The following CHIC1 variants were observed in gnomAD, a reference collection of about 807,000 sequenced individuals.
CHIC1 encodes the protein cysteine-rich hydrophobic domain-containing protein 1.
CHIC1 carries 7 observed loss-of-function variants against 18.5 expected under a neutral mutation model. The ratio of observed to expected loss-of-function variants is 0.38; its 90% CI spans 0.22 to 0.71. CHIC1 has a LOEUF of 0.71. Ranked by LOEUF, CHIC1 falls within the 30% of genes least tolerant of loss-of-function variation. CHIC1 has a pLI of 0.49. For missense variants in CHIC1, 159 were observed against 176.9 expected, an observed-to-expected ratio of 0.90 and a Z score of 0.57; for synonymous variants, 77 against 73.5, an observed-to-expected ratio of 1.05 and a Z score of -0.25.
At chrX:73,637,953 G>A (rs1231464536) in intron 3 of CHIC1, among the ~76,000 whole-genome samples, 1 of 110,357 alleles carries the variant, frequency 9.1e-6, no homozygotes, top group Non-Finnish European at 1.9e-5. Context: ...TTGAACACTG[G>A]GAATTTGAAA....
chrX:73,601,158 G>A lies in CHIC1; in HGVS notation c.507+16586G>A, dbSNP rs2057646348. On this transcript the variant is annotated intron_variant, in intron 3 of 5. Coordinates refer to ENST00000373502, the MANE Select transcript of CHIC1 (RefSeq NM_001039840.4). ...CAACATTAGACAGATCAACGAAACA[G>A]AAAGTCAACAAGGATACCCAGGAAT... Among the ~76,000 whole-genome samples, 4 of 105,724 alleles carry A rather than the reference G, an allele frequency of 3.8e-5. No homozygotes were observed. In the South Asian group the frequency reaches 1.7e-3, roughly 44 times the overall value. 91.8% of individuals were successfully genotyped at this position (105,724 alleles called of 115,157 possible). A position where few individuals can be genotyped will look rare whatever the true frequency, so the allele number is the denominator to read the frequency against.
chrX:73,620,842 T>C (rs1157444274), intron 3 of CHIC1, among the ~76,000 whole-genome samples: 1 of 112,269 alleles, frequency 8.9e-6, no homozygotes, highest in Non-Finnish European at 1.9e-5. Flanking sequence ...GGTTTTACTT[T>C]TAAGCCTTTA....
intron 3 of CHIC1, among the ~76,000 whole-genome samples, chrX:73,601,594 C>T (rs1220838180): frequency 1.9e-5 from 2 of 104,048 alleles, no homozygotes; most frequent in Admixed American, 1.0e-4. Flanking sequence ...ACTAAATGCC[C>T]ACAAGAGAAA....
intron 3 of CHIC1, among the ~76,000 whole-genome samples, chrX:73,600,111 C>G (rs2057636065): frequency 2.0e-5 from 2 of 101,110 alleles, no homozygotes; most frequent in South Asian, 4.3e-4. Flanking sequence ...AATGGGAGTT[C>G]ACTCATGATT....
In CHIC1 at chrX:73,611,966, A is replaced by G. The variant is rs1485595069; in HGVS notation, c.507+27394A>G. Among the ~76,000 whole-genome samples the G allele has an allele frequency of 1.2e-4, 13 of 108,603 alleles. 1 individual carries two copies. The highest frequency in any genetic ancestry group is 2.3e-4 in the Non-Finnish European group (12 of 52,490). The allele number at this position is 108,603 out of a possible 115,157, so 94.3% of individuals were successfully genotyped here. ...TTGCAAAAATTTTCTCCCATTCTGT[A>G]GGTTGCCTGTTCACTCTGATGGTAG... On this transcript the variant is annotated intron_variant, in intron 3 of 5. Coordinates refer to ENST00000373502, the MANE Select transcript of CHIC1 (RefSeq NM_001039840.4).
chrX:73,676,644 T>C (rs1050245612), intron 3 of CHIC1, among the ~76,000 whole-genome samples: 1 of 111,647 alleles, frequency 9.0e-6, no homozygotes, highest in African/African-American at 3.3e-5. Context: ...TAATTTTTTT[T>C]CAAAGCTTTT....
At chrX:73,594,142 C>CTTTGTTTTGTTTTGTTTTGT (rs199752892) in intron 3 of CHIC1, among the ~76,000 whole-genome samples, 29 of 101,572 alleles carry the variant, frequency 2.9e-4, no homozygotes, top group African/African-American at 7.0e-4. Context: ...AGGTGCTTTC[C>CTTTGTTTTGTTTTGTTTTGT]TTTGTTTTGT....
chrX:73,633,168 A>G (rs1162622576), intron 3 of CHIC1, among the ~76,000 whole-genome samples: 1 of 111,417 alleles, frequency 9.0e-6, no homozygotes, highest in Non-Finnish European at 1.9e-5. Flanking sequence ...TTCAACTTGA[A>G]AAACCTCGTT....
intron 3 of CHIC1, among the ~76,000 whole-genome samples, chrX:73,632,126 G>A (rs985857984): frequency 8.9e-6 from 1 of 111,817 alleles, no homozygotes; most frequent in Non-Finnish European, 1.9e-5. Context: ...TGTTGCAAGT[G>A]GTTTATAAAT....
At chrX:73,586,716 A>ATTTTGT (rs1329892521) in intron 3 of CHIC1, among the ~76,000 whole-genome samples, 1 of 111,198 alleles carries the variant, frequency 9.0e-6, no homozygotes, top group East Asian at 2.8e-4. Flanking sequence ...TCCTTGCTTT[A>ATTTTGT]TTTTGTTTTT....
At chrX:73,570,595 A>C (rs2147537976) in intron 1 of CHIC1, among the ~76,000 whole-genome samples, 1 of 111,289 alleles carries the variant, frequency 9.0e-6, no homozygotes, top group South Asian at 3.7e-4. Flanking sequence ...GTTTCACTTA[A>C]GGTGGTATTA....
At chrX:73,655,304 G>A (rs936945086) in intron 3 of CHIC1, among the ~76,000 whole-genome samples, 3 of 103,554 alleles carry the variant, frequency 2.9e-5, no homozygotes, top group Admixed American at 1.1e-4. Context: ...GTGTATGTGT[G>A]TATGTATATA....
chrX:73,672,175 A>G (rs747034827), intron 3 of CHIC1, among the ~76,000 whole-genome samples: 2 of 111,765 alleles, frequency 1.8e-5, no homozygotes, highest in African/African-American at 6.5e-5. Flanking sequence ...TTGTTGTTGG[A>G]CATTTGGGTT....
intron 3 of CHIC1, among the ~76,000 whole-genome samples, chrX:73,628,511 C>T (rs1204744997): frequency 1.8e-5 from 2 of 111,721 alleles, no homozygotes; most frequent in East Asian, 2.8e-4. Context: ...TTGAATGCTC[C>T]CTCCGTGAGT....
chrX:73,574,577 G>C (rs1025360850), intron 1 of CHIC1, among the ~76,000 whole-genome samples: 11 of 109,389 alleles, frequency 1.0e-4, no homozygotes, highest in Non-Finnish European at 1.9e-4. Context: ...TTGGTTGGTT[G>C]GTGTTTTATT....
chrX:73,593,381 T>G (rs991555636), intron 3 of CHIC1, among the ~76,000 whole-genome samples: 1 of 111,537 alleles, frequency 9.0e-6, no homozygotes, highest in African/African-American at 3.3e-5. Flanking sequence ...TCCTAGAGAT[T>G]TTGTGTTTTG....
chrX:73,672,982 A>C (rs201027203), intron 3 of CHIC1, among the ~76,000 whole-genome samples: 12,402 of 111,495 alleles, frequency 0.11, 681 homozygotes, highest in South Asian at 0.27. Flanking sequence ...CTTTCTACAT[A>C]TGGCTAGCCA....
At chrX:73,595,474 TCAC>T (rs2057603519) in intron 3 of CHIC1, among the ~76,000 whole-genome samples, 1 of 111,510 alleles carries the variant, frequency 9.0e-6, no homozygotes, top group Non-Finnish European at 1.9e-5. Flanking sequence ...GCTTCCAGCT[TCAC>T]CCATGTCTCT....
intron 3 of CHIC1, among the ~76,000 whole-genome samples, chrX:73,589,931 C>T (rs988305662): frequency 4.5e-5 from 5 of 111,268 alleles, no homozygotes; most frequent in South Asian, 3.7e-4. Context: ...TATGCCATCC[C>T]ACTGCCTCTG....
Sources: gnomAD v4.1 joint callset for allele counts (sites outside exome capture counted in the v4.1 genomes callset) on GRCh38, gnomAD v4.1.1 for gene constraint, MANE v1.5 for transcripts, NCBI Gene and HGNC (gene_info 2026-07-23, HGNC 2026-07-21) for gene names.